NAV2: variants seen among roughly 807,000 people sequenced by gnomAD.
NAV2 encodes the protein helicase, APC down-regulated 1.
NAV2 carries 54 observed loss-of-function variants against 223.2 expected under a neutral mutation model. The ratio of observed to expected loss-of-function variants is 0.24; its 90% confidence interval spans 0.19 to 0.30. NAV2 has a LOEUF of 0.30. Among genes scored for constraint, NAV2 ranks in the 10% least tolerant of loss-of-function variants. NAV2 has a pLI of 1.00. For synonymous variants in NAV2, 1,279 were observed against 1,239.3 expected (o/e 1.03, Z -0.67); for missense variants, 2,806 against 3,147.5 (o/e 0.89, Z 2.60).
At chr11:19,462,547 CT>C (rs1244687826) in intron 1 of NAV2, among the ~76,000 whole-genome samples, 1 of 152,202 alleles carries the variant, frequency 6.6e-6, no homozygotes, top group Non-Finnish European at 1.5e-5. Flanking sequence ...AATAATTCCT[CT>C]CTCTATGTTT....
At chr11:19,930,596 C>T (rs1442360059) in intron 6 of NAV2, among the ~76,000 whole-genome samples, 1 of 152,184 alleles carries the variant, frequency 6.6e-6, no homozygotes, top group East Asian at 1.9e-4. Context: ...AAAATGTGAA[C>T]TCCATGAAGG....
intron 1 of NAV2, among the ~76,000 whole-genome samples, chr11:19,655,981 G>T (rs556367444): frequency 6.6e-6 from 1 of 152,326 alleles, no homozygotes; most frequent in Middle Eastern, 3.4e-3. Context: ...GGAGAAGGAA[G>T]ATTGTCCAGC....
At chr11:19,777,097 C>T (rs1320444543) in intron 1 of NAV2, among the ~76,000 whole-genome samples, 19 of 150,796 alleles carry the variant, frequency 1.3e-4, no homozygotes, top group Admixed American at 1.1e-3. Flanking sequence ...CCGCCGACCC[C>T]CCCCCCCACC....
In NAV2 at chr11:19,380,270, G is replaced by C. The variant is rs114210783; in HGVS notation, c.75+29243G>C. 4.0e-3 allele frequency among the ~76,000 whole-genome samples: 615 copies of C among 152,224 alleles called. 1 individual carries two copies. The highest frequency in any genetic ancestry group is 0.014 in the African/African-American group (588 of 41,542). On this transcript the variant is annotated intron_variant, in intron 1 of 37. Coordinates refer to the NAV2 transcript ENST00000360655. ...GATACCCATCAAGCTTGTTACAGTG[G>C]GATTCTCTCCATATTGAATTTCCTT...
chr11:19,983,576 C>G (rs147212463), intron 10 of NAV2, among the ~76,000 whole-genome samples: 1 of 152,134 alleles, frequency 6.6e-6, no homozygotes, highest in Non-Finnish European at 1.5e-5. Context: ...TGTCACAGGC[C>G]GTGATAGTCC....
rs144658246 is a variant in NAV2, at chr11:19,922,575, G to C, written c.932-10601G>C. ...TTTTGAGTCCCTCCCCAGAGATACT[G>C]TGATTTTGTAAGTTTGGGGTAGAGC... is the stretch of plus-strand genomic sequence containing the variant. On this transcript the variant is annotated intron_variant, in intron 6 of 37. Transcript: ENST00000349880. Among the ~76,000 whole-genome samples, 478 of 152,260 alleles carry C rather than the reference G, an allele frequency of 3.1e-3. 17 individuals are homozygous for C. In the South Asian group the frequency reaches 0.067, roughly 21 times the overall value.
At position 19,983,454 on chromosome 11, in the gene NAV2, A is replaced by G. The variant is rs146932264; in HGVS notation, c.2646-671A>G. Among the ~76,000 whole-genome samples, 670 of 152,324 alleles carry G rather than the reference A, an allele frequency of 4.4e-3. 4 individuals carry two copies. The highest frequency in any genetic ancestry group is 0.016 in the African/African-American group (653 of 41,586). ...CAGTATCAAGGGTGAAATTCACCTC[A>G]TGATCGTGACAACCGTAATGTCTTC... On this transcript the variant is annotated intron_variant, in intron 10 of 37. Transcript: ENST00000349880.
At chr11:19,547,143 C>T (rs1412366702) in intron 1 of NAV2, among the ~76,000 whole-genome samples, 1 of 152,218 alleles carries the variant, frequency 6.6e-6, no homozygotes, top group African/African-American at 2.4e-5. Flanking sequence ...AACACTGCTG[C>T]CCCAGACATT....
At chr11:19,654,480 G>T (rs2048060321) in intron 1 of NAV2, among the ~76,000 whole-genome samples, 1 of 152,142 alleles carries the variant, frequency 6.6e-6, no homozygotes, top group Admixed American at 6.5e-5. Context: ...CATGCTACCT[G>T]ACTTCAAACT....
In NAV2 at chr11:19,536,484, C is replaced by A. The variant is rs146062800; in HGVS notation, c.75+185457C>A. Among the ~76,000 whole-genome samples, 245 of 152,276 alleles carry A rather than the reference C, an allele frequency of 1.6e-3. 1 individual carries two copies. The highest frequency in any genetic ancestry group is 5.7e-3 in the African/African-American group (235 of 41,540). ...CATGTTAAAAATGCAGAATCTCAGG[C>A]CCCACCCCACACCGTGAATCACAAT... On this transcript the variant is annotated intron_variant, in intron 1 of 37. Coordinates refer to the NAV2 transcript ENST00000360655.
chr11:19,933,361 ATGC>A lies in NAV2; in HGVS notation c.1119_1121del (p.Met373_Leu374delinsIle), dbSNP rs1176600930. ...CGTGAAGCACAGTGCCACGGTATCC[ATGC>A]TCTCGGTCAAGCCTCCTGGGCCTGA... is the stretch of plus-strand genomic sequence containing the variant. On this transcript the variant is annotated inframe_deletion, in exon 7 of 38. Transcript: ENST00000349880. This position sits in a 1 kb window ranked among gnomAD's most constrained non-coding sequence, Gnocchi z 4.3. The A allele has an allele frequency of 1.0e-5, 16 of 1,599,154 alleles. No homozygotes were observed. The highest frequency in any genetic ancestry group is 1.3e-5 in the Non-Finnish European group (15 of 1,171,862).
intron 12 of NAV2, among the ~76,000 whole-genome samples, chr11:20,038,107 T>C (rs1392707242): frequency 6.6e-6 from 1 of 152,238 alleles, no homozygotes; most frequent in Non-Finnish European, 1.5e-5. Flanking sequence ...GTTCCCTTCT[T>C]GCAAAGCTGG....
At chr11:20,043,816 C>G in intron 12 of NAV2, 165 bp from the exon 13 acceptor site, 1 of 547,886 alleles carries the variant, frequency 1.8e-6, no homozygotes, top group Non-Finnish European at 3.1e-6. Context: ...AAAAAAAAAT[C>G]AGTCTTTCTA....
intron 36 of NAV2, among the ~76,000 whole-genome samples, chr11:20,112,370 G>A (rs1240548607): frequency 2.0e-5 from 3 of 152,200 alleles, no homozygotes; most frequent in Non-Finnish European, 4.4e-5. Context: ...AGGACGGGAG[G>A]AGTGCTGGTG....
intron 10 of NAV2, among the ~76,000 whole-genome samples, chr11:19,954,700 T>G (rs1051837149): frequency 6.6e-6 from 1 of 152,170 alleles, no homozygotes; most frequent in African/African-American, 2.4e-5. Flanking sequence ...TATCTTTTCC[T>G]TTATTGCCTG....
intron 1 of NAV2, among the ~76,000 whole-genome samples, chr11:19,664,403 T>A (rs987133152): frequency 2.0e-5 from 3 of 152,324 alleles, no homozygotes; most frequent in South Asian, 2.1e-4. Flanking sequence ...TGCTTCCCTA[T>A]TGCTATCCCT....
chr11:19,593,567 C>T (rs2046120004), intron 1 of NAV2, among the ~76,000 whole-genome samples: 1 of 152,116 alleles, frequency 6.6e-6, no homozygotes, highest in Non-Finnish European at 1.5e-5. Context: ...TTGGGGGTGC[C>T]ATTGTTGAGT....
intron 9 of NAV2, among the ~76,000 whole-genome samples, chr11:19,948,352 A>G (rs1364633985): frequency 1.3e-5 from 2 of 152,196 alleles, no homozygotes; most frequent in Non-Finnish European, 2.9e-5. Context: ...CCAAAGTGCT[A>G]GGATTACAGG....
intron 12 of NAV2, among the ~76,000 whole-genome samples, chr11:20,038,106 T>C (rs1387293409): frequency 6.6e-6 from 1 of 152,222 alleles, no homozygotes; most frequent in Non-Finnish European, 1.5e-5. Context: ...TGTTCCCTTC[T>C]TGCAAAGCTG....
Sources: gnomAD v4.1 joint callset for allele counts (sites outside exome capture counted in the v4.1 genomes callset) on GRCh38, gnomAD v4.1.1 for gene constraint, Gnocchi (gnomAD v3.1) non-coding constraint, MANE v1.5 for transcripts, NCBI Gene and HGNC (gene_info 2026-07-23, HGNC 2026-07-21) for gene names.